Variants in TNR observed in about 807,000 individuals in gnomAD.
TNR encodes the protein tenascin-R.
A neutral mutation model predicts 150.4 loss-of-function variants in TNR; 45 were observed. The observed-to-expected ratio is 0.30, with a 90% CI of 0.24 to 0.38. TNR has a LOEUF of 0.38. Ranked by LOEUF, TNR falls within the 10% of genes least tolerant of loss-of-function variation. TNR has a pLI of 1.00. For missense variants in TNR, 1,544 were observed against 1,759.1 expected, an observed-to-expected ratio of 0.88 and a Z score of 2.19; for synonymous variants, 687 against 678.4, an observed-to-expected ratio of 1.01 and a Z score of -0.20.
intron 1 of TNR, among the ~76,000 whole-genome samples, chr1:175,659,573 G>A (rs1005622658): frequency 6.6e-6 from 1 of 152,172 alleles, no homozygotes; most frequent in Non-Finnish European, 1.5e-5. Flanking sequence ...AGGAAGGCCA[G>A]TTGAAGATCT....
chr1:175,532,160 G>T (rs946670847), intron 1 of TNR, among the ~76,000 whole-genome samples: 2 of 152,240 alleles, frequency 1.3e-5, no homozygotes, highest in African/African-American at 4.8e-5. Context: ...ACTGCAAATT[G>T]CTGGAGATGT....
chr1:175,435,726 C>T (rs1655476882), intron 2 of TNR, among the ~76,000 whole-genome samples: 1 of 152,176 alleles, frequency 6.6e-6, no homozygotes, highest in African/African-American at 2.4e-5. Flanking sequence ...GCAGTTTCTT[C>T]CTAGCCTTGA....
At chr1:175,480,645 C>A (rs859416) in intron 2 of TNR, among the ~76,000 whole-genome samples, 10 of 152,134 alleles carry the variant, frequency 6.6e-5, no homozygotes, top group African/African-American at 1.2e-4. Flanking sequence ...AGTTCCCACA[C>A]GCTATGTGAG....
At chr1:175,729,168 A>AT (rs984451743) in intron 1 of TNR, among the ~76,000 whole-genome samples, 10 of 150,974 alleles carry the variant, frequency 6.6e-5, no homozygotes, top group Non-Finnish European at 4.4e-5. Context: ...CCTTCCTTCC[A>AT]TTTTTTTTAA....
At chr1:175,578,879 G>A (rs947624059) in intron 1 of TNR, among the ~76,000 whole-genome samples, 4 of 152,158 alleles carry the variant, frequency 2.6e-5, no homozygotes, top group South Asian at 2.1e-4. Flanking sequence ...TACCCCTGGT[G>A]AGGTGAAGTC....
In TNR at chr1:175,323,379, T is replaced by C; in HGVS notation, c.4055A>G (p.Lys1352Arg). 11 of 1,614,160 alleles carry C rather than the reference T, an allele frequency of 6.8e-6. No individual in the cohort carries two copies. The highest frequency in any genetic ancestry group is 8.5e-6 in the Non-Finnish European group (10 of 1,179,998). Residue 1352 changes from lysine (K) to arginine (R), a missense_variant, in exon 23 of 23, where the codon AAA becomes AGA. This residue lies in a region of TNR where 290 missense variants were observed against 429.7 expected (regional missense o/e 0.67). Transcript: ENST00000367674. ...TGCTCAGAACTGTAAGGACTGCCGT[T>C]TTCTCCCTGCCATGAGACGGTGGTT... ...PYNHRLMAGRKRQSLQF is the reference protein window; with the variant it reads ...PYNHRLMAGRRRQSLQF
chr1:175,329,966 C>A, intron 21 of TNR, 108 bp downstream of exon 21: 13 of 1,239,830 alleles, frequency 1.0e-5, no homozygotes, highest in Non-Finnish European at 1.4e-5. Context: ...GCAGCGAATG[C>A]TGGAACTCTG....
intron 2 of TNR, among the ~76,000 whole-genome samples, chr1:175,489,383 G>C (rs1235533163): frequency 6.6e-6 from 1 of 152,206 alleles, no homozygotes; most frequent in Non-Finnish European, 1.5e-5. Context: ...ATCCTCGATG[G>C]GGAAAAGTTA....
chr1:175,698,698 G>A (rs1428044108), intron 1 of TNR, among the ~76,000 whole-genome samples: 7 of 152,028 alleles, frequency 4.6e-5, no homozygotes, highest in South Asian at 2.1e-4. Context: ...AAAATTAGCC[G>A]GGCATGGTGG....
chr1:175,410,171 G>T (rs372990392), intron 2 of TNR, among the ~76,000 whole-genome samples: 1 of 152,122 alleles, frequency 6.6e-6, no homozygotes, highest in Non-Finnish European at 1.5e-5. Flanking sequence ...GGCAGGGGCC[G>T]GCCTGGTGAA....
rs12729778 is a variant in TNR, at chr1:175,319,602, T to C, written c.*3755A>G. On this transcript the variant is annotated 3_prime_UTR_variant, in exon 23 of 23. Transcript: ENST00000367674. ...ACTTTATGAGTAGTAGAGGGGGAAG[T>C]TGGTAGGTGAGGGACAGGTGGATTC... 7,261 of 152,384 alleles carry C rather than the reference T, an allele frequency of 0.048. 243 individuals carry two copies. The highest frequency in any genetic ancestry group is 0.19 in the Middle Eastern group (55 of 294). The allele number at this position is 152,384 out of a possible 1,614,324, so 9.4% of individuals were successfully genotyped here. A position where few individuals can be genotyped will look rare whatever the true frequency, so the allele number is the denominator to read the frequency against.
intron 21 of TNR, among the ~76,000 whole-genome samples, chr1:175,329,698 A>G (rs75246227): frequency 0.01 from 1,578 of 152,320 alleles, 14 homozygotes; most frequent in African/African-American, 0.021. Flanking sequence ...CTCACTGCAT[A>G]AGAGCCCATA....
intron 8 of TNR, among the ~76,000 whole-genome samples, chr1:175,385,381 G>A (rs1446213052): frequency 2.6e-5 from 4 of 152,146 alleles, no homozygotes; most frequent in African/African-American, 9.7e-5. Context: ...GAGTCCCAAT[G>A]GCCTTGAGAA....
At chr1:175,711,175 T>C (rs1667003218) in intron 1 of TNR, among the ~76,000 whole-genome samples, 1 of 152,170 alleles carries the variant, frequency 6.6e-6, no homozygotes, top group Non-Finnish European at 1.5e-5. Context: ...GGGTGATTAG[T>C]GCTGTGTAGA....
chr1:175,406,235 G>A lies in TNR; in HGVS notation c.480C>T (p.Cys160=), dbSNP rs531311605. Residue 160 remains cysteine, a synonymous_variant, in exon 3 of 23, where the codon TGC becomes TGT. Transcript: ENST00000367674. ...CTCTACCTGTGGCAGCACTTTCTTG[G>A]CAGCAGTTGGCGTTGCACTGGTCTC... The part of the protein sequence containing the change: ...VLRDQCNANC[C]QESAATGQLD... 1 of 1,613,990 alleles carries A rather than the reference G, an allele frequency of 6.2e-7. No individual in the cohort carries two copies. Among genetic ancestry groups the A allele is most frequent in the East Asian group, 2.2e-5 (1 of 44,862 alleles).
At chr1:175,730,121 C>T (rs1300971032) in intron 1 of TNR, among the ~76,000 whole-genome samples, 3 of 152,098 alleles carry the variant, frequency 2.0e-5, no homozygotes, top group Non-Finnish European at 4.4e-5. Context: ...TTCTCACTAC[C>T]GCCTGCATGA....
Position 175,696,866 on chromosome 1 carries a change from C to T in TNR, c.-165+46360G>A, listed in dbSNP as rs557342541. Among the ~76,000 whole-genome samples, 4 of 126,006 alleles carry T rather than the reference C, an allele frequency of 3.2e-5. No individual in the cohort carries two copies. The East Asian group carries it at 7.0e-4, about 22-fold the overall frequency. The allele number at this position is 126,006 out of a possible 152,430, so 82.7% of individuals were successfully genotyped here. A position where few individuals can be genotyped will look rare whatever the true frequency, so the allele number is the denominator to read the frequency against. ...TGCACTTCAGCCTGGGCAACAAGAGCGAAACTCCATCTCAAAAAAAAAAAA... is the reference window on the plus strand; with the variant it reads ...TGCACTTCAGCCTGGGCAACAAGAGTGAAACTCCATCTCAAAAAAAAAAAA... On this transcript the variant is annotated intron_variant, in intron 1 of 22. Transcript: ENST00000367674.
chr1:175,340,760 A>G (rs1463034403), intron 18 of TNR, among the ~76,000 whole-genome samples: 1 of 152,184 alleles, frequency 6.6e-6, no homozygotes, highest in Non-Finnish European at 1.5e-5. Context: ...TGGAATTGGT[A>G]AACTAAGCAA....
At chr1:175,475,249 T>C (rs1007622067) in intron 2 of TNR, among the ~76,000 whole-genome samples, 1 of 152,232 alleles carries the variant, frequency 6.6e-6, no homozygotes, top group African/African-American at 2.4e-5. Flanking sequence ...TCCTTGCTCC[T>C]AGCGTCATCT....
Sources: allele counts gnomAD v4.1 joint callset (sites outside exome capture counted in the v4.1 genomes callset), GRCh38; gene constraint gnomAD v4.1.1; regional missense constraint gnomAD v4.1.1; transcripts MANE v1.5; gene names NCBI Gene and HGNC (gene_info 2026-07-23, HGNC 2026-07-21).